The following NR6A1 variants were observed in gnomAD, a reference collection of about 807,000 sequenced individuals.
The protein encoded by NR6A1 is nuclear receptor subfamily 6 group A member 1.
NR6A1 carries 7 observed loss-of-function variants against 59.1 expected under a neutral mutation model. That is an observed-to-expected ratio of 0.12 (90% CI 0.07 to 0.22). The LOEUF (loss-of-function observed/expected upper bound fraction) is 0.22. NR6A1 is among the 10% of genes least tolerant of loss of function. NR6A1 has a pLI of 1.00. For missense variants in NR6A1, 468 were observed against 611.6 expected, an observed-to-expected ratio of 0.77 and a Z score of 2.48; for synonymous variants, 243 against 236.1, an observed-to-expected ratio of 1.03 and a Z score of -0.27.
chr9:124,690,005 A>G (rs1838473255), intron 2 of NR6A1, among the ~76,000 whole-genome samples: 1 of 152,204 alleles, frequency 6.6e-6, no homozygotes, highest in Non-Finnish European at 1.5e-5. Context: ...CAGTAAAAGG[A>G]TGAATCAGAA....
chr9:124,547,481 C>A (rs1833632949), intron 3 of NR6A1, among the ~76,000 whole-genome samples: 1 of 152,162 alleles, frequency 6.6e-6, no homozygotes, highest in Non-Finnish European at 1.5e-5. Flanking sequence ...TTCTGTTTTA[C>A]ATAGTTCTGT....
rs60918898 is a variant in NR6A1 at position 124,647,759 on chromosome 9, G to A, written c.142+85549C>T. On this transcript the variant is annotated intron_variant, in intron 2 of 9. Coordinates refer to ENST00000487099, the MANE Select transcript of NR6A1 (RefSeq NM_033334.4). The stretch of plus-strand genomic sequence containing the variant: ...AAAAAAAAGAAAGAAAGAAAGAAAA[G>A]AAAAAAGAAATAGAAAACCTTAACA... Among the ~76,000 whole-genome samples the A allele has an allele frequency of 9.2e-3, 1,342 of 145,414 alleles. 18 individuals are homozygous for A. Among genetic ancestry groups the A allele is most frequent in the African/African-American group, 0.032 (1,237 of 39,056 alleles).
chr9:124,584,195 C>A (rs1273897002), intron 2 of NR6A1, among the ~76,000 whole-genome samples: 1 of 151,654 alleles, frequency 6.6e-6, no homozygotes, highest in Non-Finnish European at 1.5e-5. Flanking sequence ...GCAACCTCCA[C>A]CTCCCACGTT....
intron 2 of NR6A1, among the ~76,000 whole-genome samples, chr9:124,692,869 A>G (rs1471711630): frequency 6.6e-6 from 1 of 152,210 alleles, no homozygotes; most frequent in Non-Finnish European, 1.5e-5. Flanking sequence ...TTTGTTTTGG[A>G]ATAAAATCCA....
At chr9:124,608,163 T>C (rs1466589523) in intron 2 of NR6A1, among the ~76,000 whole-genome samples, 1 of 152,214 alleles carries the variant, frequency 6.6e-6, no homozygotes, top group East Asian at 1.9e-4. Context: ...TTATTTTTAT[T>C]TTACGTTTCA....
chr9:124,710,850 GA>G (rs1839258430), intron 2 of NR6A1, among the ~76,000 whole-genome samples: 1 of 152,112 alleles, frequency 6.6e-6, no homozygotes, highest in African/African-American at 2.4e-5. Flanking sequence ...CACTGTTGAG[GA>G]AATTAGTGGT....
chr9:124,621,555 A>G (rs1836077069), intron 2 of NR6A1, among the ~76,000 whole-genome samples: 1 of 151,838 alleles, frequency 6.6e-6, no homozygotes, highest in Admixed American at 6.6e-5. Context: ...TTAGGAGGAT[A>G]CGGTGGGAGT....
chr9:124,699,001 A>G (rs1015550086), intron 2 of NR6A1, among the ~76,000 whole-genome samples: 2 of 152,198 alleles, frequency 1.3e-5, no homozygotes, highest in African/African-American at 4.8e-5. Context: ...CTTGAAATAC[A>G]AGAGTCAGAA....
chr9:124,769,728 T>C (rs1841054183), intron 1 of NR6A1, among the ~76,000 whole-genome samples: 1 of 151,868 alleles, frequency 6.6e-6, no homozygotes, highest in African/African-American at 2.4e-5. Context: ...AATGAGGAGA[T>C]GTGAAAGGTG....
At chr9:124,770,897 TA>T in intron 1 of NR6A1, 122 bp downstream of exon 1, 1 of 506,756 alleles carries the variant, frequency 2.0e-6, no homozygotes, top group Non-Finnish European at 3.1e-6. Context: ...AGGGCCACCC[TA>T]AGGGGCCGCG....
At chr9:124,573,723 G>A (rs1407369875) in intron 2 of NR6A1, among the ~76,000 whole-genome samples, 1 of 152,146 alleles carries the variant, frequency 6.6e-6, no homozygotes, top group African/African-American at 2.4e-5. Context: ...TAGGAGAGGA[G>A]AATGATTAAG....
intron 2 of NR6A1, among the ~76,000 whole-genome samples, chr9:124,724,046 G>A (rs1839640350): frequency 6.6e-6 from 1 of 152,132 alleles, no homozygotes; most frequent in South Asian, 2.1e-4. Context: ...ATAGGAGGAT[G>A]GTTAAATAAA....
intron 2 of NR6A1, among the ~76,000 whole-genome samples, chr9:124,565,385 C>T (rs1834210101): frequency 1.3e-5 from 2 of 152,088 alleles, no homozygotes; most frequent in African/African-American, 2.4e-5. Context: ...CGAGATCGTG[C>T]CACTGCACTC....
intron 1 of NR6A1, among the ~76,000 whole-genome samples, chr9:124,755,013 C>T (rs1187492471): frequency 6.6e-6 from 1 of 152,146 alleles, no homozygotes; most frequent in Non-Finnish European, 1.5e-5. Flanking sequence ...CCAAGTCTAA[C>T]GTTAAAGCTC....
chr9:124,693,860 T>A, intron 2 of NR6A1: 1 of 497,300 alleles, frequency 2.0e-6, no homozygotes, highest in Non-Finnish European at 4.2e-6. Flanking sequence ...CTGCTGTGAG[T>A]GGGAGCTGCT....
chr9:124,589,302 C>A (rs547372506), intron 2 of NR6A1, among the ~76,000 whole-genome samples: 1 of 151,156 alleles, frequency 6.6e-6, no homozygotes, highest in Non-Finnish European at 1.5e-5. Flanking sequence ...AAAAATTAGC[C>A]GGGCGCGGTG....
intron 1 of NR6A1, among the ~76,000 whole-genome samples, chr9:124,751,628 G>A (rs1840500527): frequency 6.6e-6 from 1 of 152,036 alleles, no homozygotes; most frequent in Non-Finnish European, 1.5e-5. Context: ...AACCAAGTGG[G>A]GTGTGCCATA....
At chr9:124,643,760 C>CAAA (rs1185801928) in intron 2 of NR6A1, among the ~76,000 whole-genome samples, 1 of 127,338 alleles carries the variant, frequency 7.9e-6, no homozygotes, top group Non-Finnish European at 1.8e-5. Flanking sequence ...CTCAAAAAAA[C>CAAA]AAAAAAAAAA....
At chr9:124,551,377 C>T (rs1177651020) in intron 3 of NR6A1, among the ~76,000 whole-genome samples, 1 of 152,196 alleles carries the variant, frequency 6.6e-6, no homozygotes, top group Non-Finnish European at 1.5e-5. Context: ...GGGATTCATT[C>T]TGGCCTTCTC....
Sources: allele counts gnomAD v4.1 joint callset (sites outside exome capture counted in the v4.1 genomes callset), GRCh38; gene constraint gnomAD v4.1.1; transcripts MANE v1.5; gene names NCBI Gene and HGNC (gene_info 2026-07-23, HGNC 2026-07-21).